SREK1: variants seen among roughly 807,000 people sequenced by gnomAD.
The protein encoded by SREK1 is splicing regulatory glutamic acid and lysine rich protein 1, also known as splicing regulatory glutamine/lysine-rich protein 1.
SREK1 carries 13 observed loss-of-function variants against 66.5 expected under a neutral mutation model. The ratio of observed to expected loss-of-function variants is 0.20; its 90% confidence interval spans 0.13 to 0.31. The LOEUF (loss-of-function observed/expected upper bound fraction) is 0.31. Among genes scored for constraint, SREK1 ranks in the 10% least tolerant of loss-of-function variants. The pLI is 1.00. For synonymous variants in SREK1, 265 were observed against 263.5 expected, an observed-to-expected ratio of 1.01 and a Z score of -0.05; for missense variants, 607 against 769.6, an observed-to-expected ratio of 0.79 and a Z score of 2.50.
At chr5:66,144,573 G>C (rs1742980862) in intron 1 of SREK1, 36 bp downstream of exon 1, 4 of 1,532,366 alleles carry the variant, frequency 2.6e-6, no homozygotes, top group Non-Finnish European at 3.5e-6. Context: ...AGGGGCGCGG[G>C]CGCCATAGAG....
chr5:66,156,387 A>G (rs1272114881), intron 2 of SREK1: 2 of 1,175,710 alleles, frequency 1.7e-6, no homozygotes, highest in Non-Finnish European at 2.1e-6. Context: ...TTATATTGGG[A>G]GATGATTAGT....
chr5:66,144,877 A>G (rs895851084), intron 1 of SREK1: 4 of 1,028,564 alleles, frequency 3.9e-6, no homozygotes, highest in Non-Finnish European at 4.7e-6. Context: ...TGGGCCCGGA[A>G]CAGCCCTCAT....
chr5:66,144,579 T>G lies in SREK1; in HGVS notation c.161+42T>G, dbSNP rs1183973052. On this transcript the variant is annotated intron_variant, in intron 1 of 11. Transcript: ENST00000334121. ...GGCTGGGGGAGGGGCGCGGGCGCCA[T>G]AGAGACCTCGGGAGCCGAGGCGTGG... 2.6e-6 allele frequency: 4 copies of G among 1,525,260 alleles called. No homozygotes were observed. The Admixed American group carries it at 6.2e-5, about 24-fold the overall frequency. 94.5% of individuals were successfully genotyped at this position (1,525,260 alleles called of 1,614,324 possible).
intron 3 of SREK1, among the ~76,000 whole-genome samples, 175 bp downstream of exon 3, chr5:66,159,509 C>T (rs993839404): frequency 6.0e-5 from 9 of 150,732 alleles, no homozygotes; most frequent in Non-Finnish European, 1.3e-4. Context: ...CTTAACGCTG[C>T]GTTTTGGATT....
chr5:66,177,496 A>G lies in SREK1; in HGVS notation c.1581-18A>G, dbSNP rs551647782. 3.2e-6 allele frequency: 5 copies of G among 1,538,834 alleles called. No individual in the cohort carries two copies. In the South Asian group the frequency reaches 4.9e-5, roughly 15 times the overall value. ...TACAATTTCTTAGAATTTAACTGAC[A>G]TATCAATATTCTTATAGCAGAAATA... On this transcript the variant is annotated intron_variant, in intron 10 of 11. Coordinates refer to ENST00000334121, the MANE Select transcript of SREK1 (RefSeq NM_001077199.3).
At chr5:66,170,208 T>C in intron 8 of SREK1, 38 bp downstream of exon 8, 1 of 1,592,424 alleles carries the variant, frequency 6.3e-7, no homozygotes, top group Non-Finnish European at 8.5e-7. Flanking sequence ...TTTTTTTTCC[T>C]CAGAGTTCTG....
chr5:66,145,209 C>T (rs765982648), intron 1 of SREK1: 4 of 970,172 alleles, frequency 4.1e-6, no homozygotes, highest in Admixed American at 6.2e-5. Flanking sequence ...GTTATCCCTC[C>T]CGTATACATT....
At position 66,181,629 on chromosome 5, in the gene SREK1, A is replaced by G. The variant is rs1229062591; in HGVS notation, c.*2761A>G. On this transcript the variant is annotated 3_prime_UTR_variant, in exon 12 of 12. Coordinates refer to ENST00000334121, the MANE Select transcript of SREK1 (RefSeq NM_001077199.3). ...CAGCAACGTATGCTGAACTAGTATC[A>G]TAAGATGGTGCATCAGTTCATAAGC... 3.9e-5 allele frequency: 6 copies of G among 152,174 alleles called. No homozygotes were observed. Among genetic ancestry groups the G allele is most frequent in the South Asian group, 2.1e-4 (1 of 4,832 alleles). The allele number at this position is 152,174 out of a possible 1,614,324, so 9.4% of individuals were successfully genotyped here.
intron 1 of SREK1, among the ~76,000 whole-genome samples, chr5:66,147,302 AAATC>A (rs1270706412): frequency 6.6e-6 from 1 of 152,192 alleles, no homozygotes; most frequent in Non-Finnish European, 1.5e-5. Flanking sequence ...TTTGCACAAT[AAATC>A]AATCTCACAG....
At chr5:66,176,166 C>T (rs987265021) in intron 10 of SREK1, among the ~76,000 whole-genome samples, 11 of 152,116 alleles carry the variant, frequency 7.2e-5, no homozygotes, top group Admixed American at 5.9e-4. Flanking sequence ...GTTGCAGTAC[C>T]ATTTGTTAAA....
In SREK1 at chr5:66,162,395, T is replaced by C. The variant is rs762368175; in HGVS notation, c.577-19T>C. The C allele has an allele frequency of 6.2e-7, 1 of 1,611,644 alleles. No individual in the cohort carries two copies. The highest frequency in any genetic ancestry group is 1.1e-5 in the South Asian group (1 of 90,788). ...TTTAAATGGATATATTTTATCAAAG[T>C]GTCACTTTGTTCCCTTAGACAACGA... On this transcript the variant is annotated intron_variant, in intron 4 of 11. Coordinates refer to ENST00000334121, the MANE Select transcript of SREK1 (RefSeq NM_001077199.3).
At chr5:66,153,371 A>G in intron 1 of SREK1, 92 bp from the exon 2 acceptor site, 1 of 1,494,270 alleles carries the variant, frequency 6.7e-7, no homozygotes, top group Non-Finnish European at 9.0e-7. Flanking sequence ...ATTTCGTAAG[A>G]TTATGTAAAG....
At position 66,144,376 on chromosome 5, in the gene SREK1, G is replaced by T; in HGVS notation, c.-1G>T. On this transcript the variant is annotated 5_prime_UTR_variant, in exon 1 of 12. Transcript: ENST00000334121. ...GGGAAGGCAACGGCAGCGGGATCGG[G>T]ATGAACAGCGGCGGCGGCTTCGGTT... is the stretch of plus-strand genomic sequence containing the variant. 5 of 1,546,294 alleles carry T rather than the reference G, an allele frequency of 3.2e-6. No individual in the cohort carries two copies. Among genetic ancestry groups the T allele is most frequent in the Non-Finnish European group, 4.4e-6 (5 of 1,143,468 alleles).
intron 7 of SREK1, chr5:66,165,155 C>T (rs1406183857): frequency 3.5e-6 from 1 of 289,802 alleles, no homozygotes; most frequent in Non-Finnish European, 6.4e-6. Context: ...TACTCTATTC[C>T]AGATTTTTCT....
In SREK1 at chr5:66,144,365, A is replaced by C; in HGVS notation, c.-12A>C. 6.5e-7 allele frequency: 1 copy of C among 1,533,026 alleles called. No individual in the cohort carries two copies. Among genetic ancestry groups the C allele is most frequent in the South Asian group, 1.2e-5 (1 of 83,496 alleles). The allele number at this position is 1,533,026 out of a possible 1,614,324, so 95.0% of individuals were successfully genotyped here. A position where few individuals can be genotyped will look rare whatever the true frequency, so the allele number is the denominator to read the frequency against. ...CGTTGGGGAGCGGGAAGGCAACGGC[A>C]GCGGGATCGGGATGAACAGCGGCGG... is the stretch of plus-strand genomic sequence containing the variant. On this transcript the variant is annotated 5_prime_UTR_variant, in exon 1 of 12. Transcript: ENST00000334121.
At chr5:66,169,880 A>G (rs1054216413) in intron 7 of SREK1, 171 bp from the exon 8 acceptor site, 2 of 489,466 alleles carry the variant, frequency 4.1e-6, no homozygotes, top group East Asian at 3.6e-5. Context: ...GTTCTAGACA[A>G]TGAAATATCC....
intron 1 of SREK1, among the ~76,000 whole-genome samples, chr5:66,148,376 A>G (rs1026439320): frequency 1.3e-5 from 2 of 152,232 alleles, no homozygotes; most frequent in Non-Finnish European, 2.9e-5. Flanking sequence ...AATATTGTAT[A>G]GTGCTATCAT....
intron 2 of SREK1, chr5:66,158,694 C>T (rs1744491600): frequency 2.2e-6 from 2 of 913,954 alleles, no homozygotes; most frequent in East Asian, 6.5e-5. Context: ...TCAATTCGCA[C>T]ATATTTGTTT....
chr5:66,163,423 G>C (rs1744924097), intron 5 of SREK1: 2 of 174,156 alleles, frequency 1.1e-5, no homozygotes, highest in Non-Finnish European at 2.5e-5. Flanking sequence ...TTCTTCTAGA[G>C]TGTACAGGAT....
Sources: gnomAD v4.1 joint callset for allele counts (sites outside exome capture counted in the v4.1 genomes callset) on GRCh38, gnomAD v4.1.1 for gene constraint, MANE v1.5 for transcripts, NCBI Gene and HGNC (gene_info 2026-07-23, HGNC 2026-07-21) for gene names.